BICC1: variants seen among roughly 807,000 people sequenced by gnomAD.
BICC1 encodes the protein BicC family RNA binding protein 1, also known as protein bicaudal C homolog 1.
In BICC1, 43 loss-of-function variants were observed where a neutral mutation model predicts 111.0. That is an observed-to-expected ratio of 0.39 (90% CI 0.30 to 0.50). The LOEUF (loss-of-function observed/expected upper bound fraction) is 0.50, where lower values mean the gene tolerates loss of function less well. Among genes scored for constraint, BICC1 ranks in the 20% least tolerant of loss-of-function variants. BICC1 has a pLI of 0.88. For missense variants in BICC1, 1,091 were observed against 1,203.2 expected (o/e 0.91, Z 1.38); for synonymous variants, 467 against 434.4 (o/e 1.07, Z -0.93).
chr10:58,820,636 T>A (rs1844226611), intron 20 of BICC1, among the ~76,000 whole-genome samples, 168 bp downstream of exon 20: 1 of 152,142 alleles, frequency 6.6e-6, no homozygotes, highest in Non-Finnish European at 1.5e-5. Context: ...GAGACTGTCT[T>A]ACTTTTTCAT....
At chr10:58,561,912 G>A (rs535022746) in intron 1 of BICC1, among the ~76,000 whole-genome samples, 7 of 152,046 alleles carry the variant, frequency 4.6e-5, no homozygotes, top group South Asian at 4.2e-4. Flanking sequence ...TTCTTTGCTG[G>A]CAGTTTTCTT....
intron 2 of BICC1, among the ~76,000 whole-genome samples, chr10:58,690,149 C>G (rs760371093): frequency 6.6e-6 from 1 of 152,150 alleles, no homozygotes; most frequent in East Asian, 1.9e-4. Flanking sequence ...CATACACACA[C>G]CCCCTTCCTT....
At chr10:58,686,876 C>T (rs900842067) in intron 2 of BICC1, among the ~76,000 whole-genome samples, 3 of 152,204 alleles carry the variant, frequency 2.0e-5, no homozygotes, top group South Asian at 2.1e-4. Context: ...TCTTTCAACT[C>T]GTCAAAGTCA....
intron 2 of BICC1, among the ~76,000 whole-genome samples, chr10:58,622,249 G>T (rs896503536): frequency 6.6e-6 from 1 of 152,074 alleles, no homozygotes; most frequent in Non-Finnish European, 1.5e-5. Flanking sequence ...TGGCTCTGAT[G>T]GTAAAAATAG....
chr10:58,684,266 A>T (rs1435781020), intron 2 of BICC1, among the ~76,000 whole-genome samples: 1 of 152,116 alleles, frequency 6.6e-6, no homozygotes, highest in Non-Finnish European at 1.5e-5. Flanking sequence ...GTGCTGCTGG[A>T]TTCAGTTTGC....
At chr10:58,650,548 C>T (rs545515169) in intron 2 of BICC1, 1 of 152,188 alleles carries the variant, frequency 6.6e-6, no homozygotes, top group Non-Finnish European at 1.5e-5. Flanking sequence ...GTCAGGATGA[C>T]CCTGTCTTCA....
At chr10:58,656,519 T>C (rs1311665412) in intron 2 of BICC1, among the ~76,000 whole-genome samples, 4 of 149,874 alleles carry the variant, frequency 2.7e-5, no homozygotes, top group African/African-American at 4.9e-5. Context: ...GTGGGCTTCA[T>C]CCCTGGGATG....
chr10:58,577,845 T>A (rs1339476673), intron 1 of BICC1, among the ~76,000 whole-genome samples: 1 of 152,238 alleles, frequency 6.6e-6, no homozygotes, highest in East Asian at 1.9e-4. Flanking sequence ...GAAATATTAT[T>A]TTATTCTAAG....
intron 1 of BICC1, among the ~76,000 whole-genome samples, chr10:58,594,817 CTAA>C (rs1844757983): frequency 6.6e-6 from 1 of 152,146 alleles, no homozygotes; most frequent in Admixed American, 6.5e-5. Flanking sequence ...ACTGCATCAA[CTAA>C]TGAGCAAAAC....
intron 3 of BICC1, among the ~76,000 whole-genome samples, chr10:58,744,428 AT>A (rs903448938): frequency 2.0e-5 from 3 of 149,978 alleles, no homozygotes; most frequent in East Asian, 2.0e-4. Flanking sequence ...AAAAGATATG[AT>A]TTTTTTTAAA....
At position 58,813,854 on chromosome 10, in the gene BICC1, T is replaced by G; in HGVS notation, c.2401T>G (p.Ser801Ala). The G allele has an allele frequency of 1.2e-6, 2 of 1,613,928 alleles. No homozygotes were observed. The highest frequency in any genetic ancestry group is 1.7e-6 in the Non-Finnish European group (2 of 1,179,884). Residue 801 changes from serine (S) to alanine (A), a missense_variant, in exon 18 of 21, where the codon TCC becomes GCC. Ser to Ala is a moderately conservative substitution (Grantham distance 99). Coordinates refer to ENST00000373886, the MANE Select transcript of BICC1 (RefSeq NM_001080512.3). ...GGGCTCATCCATGTCCCTTTCACGG[T>G]CCAACAGTCGTGAGCACTTGGGAGG... ...YEGSSMSLSRSNSREHLGGGS... is the reference protein window; with the variant it reads ...YEGSSMSLSRANSREHLGGGS...
chr10:58,816,444 A>G (rs1844090505), intron 18 of BICC1, among the ~76,000 whole-genome samples: 1 of 152,172 alleles, frequency 6.6e-6, no homozygotes, highest in Admixed American at 6.5e-5. Context: ...CTTTTCAGGA[A>G]ATGCCTTCTG....
At chr10:58,826,456 T>G (rs1844397791) in intron 20 of BICC1, among the ~76,000 whole-genome samples, 1 of 152,142 alleles carries the variant, frequency 6.6e-6, no homozygotes, top group Non-Finnish European at 1.5e-5. Context: ...TTTTTATTAG[T>G]AAGAAAGAAA....
At chr10:58,512,869 C>A (rs1842127309), upstream of BICC1, among the ~76,000 whole-genome samples, 1 of 147,992 alleles carries the variant, frequency 6.8e-6, no homozygotes, top group South Asian at 2.1e-4. Context: ...GCGCGGCGCG[C>A]TCATTCCGCG....
chr10:58,553,449 G>C (rs1843354759), intron 1 of BICC1, among the ~76,000 whole-genome samples: 1 of 152,258 alleles, frequency 6.6e-6, no homozygotes, highest in Middle Eastern at 3.4e-3. Context: ...CAAGGAGACA[G>C]ATTATCCTCT....
chr10:58,725,744 A>G (rs1841085166), intron 3 of BICC1, among the ~76,000 whole-genome samples: 1 of 152,154 alleles, frequency 6.6e-6, no homozygotes, highest in Admixed American at 6.5e-5. Flanking sequence ...GCCATGTTAA[A>G]CAACCTGGAA....
Position 58,828,915 on chromosome 10 carries a change from G to A in BICC1, c.*24G>A, listed in dbSNP as rs766500090. 2.0e-5 allele frequency: 33 copies of A among 1,612,292 alleles called. No homozygotes were observed. The Middle Eastern group carries it at 5.0e-4, about 24-fold the overall frequency. ...AGCAGCACCCTCTTGGCACATGCCCGCTGACTAACTGTAAAGTGGACACAG... is the reference window on the plus strand; with the variant it reads ...AGCAGCACCCTCTTGGCACATGCCCACTGACTAACTGTAAAGTGGACACAG... On this transcript the variant is annotated 3_prime_UTR_variant, in exon 21 of 21. Transcript: ENST00000373886.
At chr10:58,717,933 G>A (rs981730766) in intron 3 of BICC1, among the ~76,000 whole-genome samples, 1 of 151,618 alleles carries the variant, frequency 6.6e-6, no homozygotes, top group Non-Finnish European at 1.5e-5. Context: ...TCTAAATGGT[G>A]GAAAAAAAAA....
chr10:58,607,609 G>T (rs571179201), intron 1 of BICC1, among the ~76,000 whole-genome samples: 3 of 150,590 alleles, frequency 2.0e-5, no homozygotes, highest in Non-Finnish European at 4.4e-5. Context: ...CTTCCCCATC[G>T]GCCTCCCTCA....
Sources: allele counts gnomAD v4.1 joint callset (sites outside exome capture counted in the v4.1 genomes callset), GRCh38; gene constraint gnomAD v4.1.1; transcripts MANE v1.5; gene names NCBI Gene and HGNC (gene_info 2026-07-23, HGNC 2026-07-21).